The following CACNA1A variants were observed in gnomAD, a reference collection of about 807,000 sequenced individuals.
CACNA1A encodes the protein calcium voltage-gated channel subunit alpha1 A.
CACNA1A carries 57 observed loss-of-function variants against 262.4 expected under a neutral mutation model. The observed-to-expected ratio is 0.22, with a 90% CI of 0.18 to 0.27. The LOEUF is 0.27. Ranked by LOEUF, CACNA1A falls within the 10% of genes least tolerant of loss-of-function variation. The pLI is 1.00. For missense variants in CACNA1A, 2,526 were observed against 3,562.8 expected, an observed-to-expected ratio of 0.71 and a Z score of 7.41; for synonymous variants, 1,431 against 1,419.3, an observed-to-expected ratio of 1.01 and a Z score of -0.18.
rs547220168 is a variant in CACNA1A at position 13,370,139 on chromosome 19, C to T, written c.631+1549G>A. Among the ~76,000 whole-genome samples the T allele has an allele frequency of 6.3e-4, 95 of 151,560 alleles. 1 individual carries two copies. Among genetic ancestry groups the T allele is most frequent in the African/African-American group, 1.9e-3 (80 of 41,274 alleles). The stretch of plus-strand genomic sequence containing the variant: ...TTTTTGAGACGGAGTTTCACTCTTT[C>T]ATCCAGGCTGGAGTGCAGTGGCGTG... On this transcript the variant is annotated intron_variant, in intron 4 of 46. Coordinates refer to ENST00000360228, the MANE Select transcript of CACNA1A (RefSeq NM_001127222.2).
At chr19:13,262,611 A>G (rs1203538388) in intron 25 of CACNA1A, 123 bp downstream of exon 25, 2 of 663,530 alleles carry the variant, frequency 3.0e-6, no homozygotes, top group African/African-American at 1.8e-5. Flanking sequence ...TCCATACACG[A>G]TGGCTAGGAT....
chr19:13,310,515 TAG>T (rs148544563), intron 12 of CACNA1A, among the ~76,000 whole-genome samples: 4 of 69,368 alleles, frequency 5.8e-5, no homozygotes, highest in African/African-American at 1.8e-4. Flanking sequence ...TATATATATG[TAG>T]AGAGAGAGAG....
At chr19:13,261,877 A>G in intron 25 of CACNA1A, 1 of 363,714 alleles carries the variant, frequency 2.7e-6, no homozygotes, top group Non-Finnish European at 5.0e-6. Context: ...ACACAGAAAA[A>G]CAAGGTAACA....
intron 3 of CACNA1A, among the ~76,000 whole-genome samples, chr19:13,438,544 C>T (rs1198310349): frequency 6.6e-6 from 1 of 152,190 alleles, no homozygotes; most frequent in Non-Finnish European, 1.5e-5. Context: ...CACAGTCATT[C>T]CAGCCGAGGT....
chr19:13,449,133 A>AGAGG (rs1746665978), intron 3 of CACNA1A, among the ~76,000 whole-genome samples: 2 of 151,240 alleles, frequency 1.3e-5, no homozygotes, highest in African/African-American at 4.9e-5. Flanking sequence ...TGCCTGGCTA[A>AGAGG]TTTTTTGCAT....
chr19:13,261,533 G>A lies in CACNA1A; in HGVS notation c.4167C>T (p.Ile1389=). The A allele has an allele frequency of 6.2e-7, 1 of 1,604,628 alleles. No homozygotes were observed. The highest frequency in any genetic ancestry group is 8.5e-7 in the Non-Finnish European group (1 of 1,175,594). ...AGAGCTGCACAGCCACCACGGCGAA[G>A]ATGAACATGAATAGCATGTAGACGA... ...ILIVYMLFMF[I]FAVVAVQLFK... The change falls in exon 26 of 47, where the codon ATC becomes ATT. Residue 1389 remains isoleucine, a synonymous_variant. Transcript: ENST00000360228.
chr19:13,346,657 TATATATATA>T (rs1384206323), intron 6 of CACNA1A, among the ~76,000 whole-genome samples: 24 of 5,912 alleles, frequency 4.1e-3, no homozygotes, highest in Admixed American at 0.013. Flanking sequence ...TATATATATA[TATATATATA>T]TTTTTTTTTT....
Position 13,497,397 on chromosome 19 carries a change from C to T in CACNA1A, c.293+8535G>A, listed in dbSNP as rs1488445819. On this transcript the variant is annotated intron_variant, in intron 1 of 46. Coordinates refer to ENST00000360228, the MANE Select transcript of CACNA1A (RefSeq NM_001127222.2). ...AACTAGAAACATCCCAAATGCCCAT[C>T]GTCCTGCTTGAACCCGGGAGGCGGA... Among the ~76,000 whole-genome samples the T allele has an allele frequency of 5.6e-5, 8 of 141,880 alleles. No homozygotes were observed. The East Asian group carries it at 8.5e-4, about 15-fold the overall frequency. 93.1% of individuals were successfully genotyped at this position (141,880 alleles called of 152,430 possible).
chr19:13,492,461 A>G (rs1981007075), intron 1 of CACNA1A, among the ~76,000 whole-genome samples: 1 of 152,142 alleles, frequency 6.6e-6, no homozygotes, highest in Non-Finnish European at 1.5e-5. Flanking sequence ...TTGAAAGGGC[A>G]CAGACTTCCT....
At chr19:13,450,797 C>T (rs190682119) in intron 3 of CACNA1A, 3 of 152,292 alleles carry the variant, frequency 2.0e-5, no homozygotes, top group African/African-American at 7.2e-5. Context: ...ATTGGGGTTA[C>T]AGGCATGTGC....
chr19:13,314,570 T>C (rs1183967775), intron 11 of CACNA1A, among the ~76,000 whole-genome samples: 1 of 152,136 alleles, frequency 6.6e-6, no homozygotes, highest in Non-Finnish European at 1.5e-5. Context: ...AGGTGCAATC[T>C]TGGAAGCAGA....
At chr19:13,468,630 T>C (rs1052377472) in intron 1 of CACNA1A, among the ~76,000 whole-genome samples, 1 of 152,048 alleles carries the variant, frequency 6.6e-6, no homozygotes, top group Non-Finnish European at 1.5e-5. Flanking sequence ...CCACTAAAAA[T>C]ACAAAAGTTA....
chr19:13,398,649 G>T lies in CACNA1A; in HGVS notation c.540-26870C>A, dbSNP rs569411704. ...AAAGGGTTGGGTTTATATCCTGCCT[G>T]ATTATTTACTAATTGTCTACATTGG... On this transcript the variant is annotated intron_variant, in intron 3 of 46. Coordinates refer to ENST00000360228, the MANE Select transcript of CACNA1A (RefSeq NM_001127222.2). 8.5e-5 allele frequency among the ~76,000 whole-genome samples: 13 copies of T among 152,336 alleles called. No homozygotes were observed. The South Asian group carries it at 2.7e-3, about 32-fold the overall frequency.
At chr19:13,438,197 T>A (rs8108338) in intron 3 of CACNA1A, among the ~76,000 whole-genome samples, 3 of 152,050 alleles carry the variant, frequency 2.0e-5, no homozygotes, top group Admixed American at 2.0e-4. Context: ...GAAAGGAATC[T>A]GAAAATATGC....
At chr19:13,272,588 T>G (rs2057048909) in intron 24 of CACNA1A, 1 of 145,264 alleles carries the variant, frequency 6.9e-6, no homozygotes, top group African/African-American at 2.6e-5. Context: ...GTGCAGGGAG[T>G]GAGAGAGAAA....
At chr19:13,479,982 G>A (rs1979069129) in intron 1 of CACNA1A, among the ~76,000 whole-genome samples, 1 of 152,288 alleles carries the variant, frequency 6.6e-6, no homozygotes, top group African/African-American at 2.4e-5. Flanking sequence ...TTGCTATAAT[G>A]GCAGAGTAGA....
intron 37 of CACNA1A, 196 bp from the exon 38 acceptor site, chr19:13,224,968 C>G: frequency 1.9e-6 from 1 of 538,300 alleles, no homozygotes; most frequent in South Asian, 2.3e-5. Flanking sequence ...AAAAGGCTCT[C>G]TTGTACTTCT....
Position 13,371,780 on chromosome 19 carries a change from C to T in CACNA1A, c.540-1G>A. On this transcript the variant is annotated splice_acceptor_variant, in intron 3 of 46. Coordinates refer to ENST00000360228, the MANE Select transcript of CACNA1A (RefSeq NM_001127222.2). LOFTEE classifies it high-confidence loss of function. ...CTCCGTCCCAACTGTCGCCAAGATG[C>T]TGAAAGAAAGAAGCCAGAATGGAGA... is the stretch of plus-strand genomic sequence containing the variant. 6.4e-7 allele frequency: 1 copy of T among 1,566,638 alleles called. No individual in the cohort carries two copies. The highest frequency in any genetic ancestry group is 8.7e-7 in the Non-Finnish European group (1 of 1,155,384).
chr19:13,262,607 CA>C, intron 25 of CACNA1A, 126 bp downstream of exon 25: 5 of 657,946 alleles, frequency 7.6e-6, no homozygotes, highest in Non-Finnish European at 1.4e-5. Flanking sequence ...AATATCCATA[CA>C]CGATGGCTAG....
Sources: allele counts gnomAD v4.1 joint callset (sites outside exome capture counted in the v4.1 genomes callset), GRCh38; gene constraint gnomAD v4.1.1; transcripts MANE v1.5; gene names NCBI Gene and HGNC (gene_info 2026-07-23, HGNC 2026-07-21).